Variants in SNX24 observed in about 807,000 individuals in gnomAD.
SNX24 encodes the protein sorting nexin-24.
SNX24 carries 22 observed loss-of-function variants against 28.7 expected under a neutral mutation model. The observed-to-expected ratio is 0.77, with a 90% CI of 0.55 to 1.10. The LOEUF is 1.10. Among genes scored for constraint, SNX24 ranks in the 50% least tolerant of loss-of-function variants. The probability of loss-of-function intolerance (pLI) is 0.00; values close to 1 mark genes in which losing one functional copy is unlikely to be tolerated. For missense variants in SNX24, 221 were observed against 201.1 expected (o/e 1.10, Z -0.60); for synonymous variants, 69 against 71.5 (o/e 0.96, Z 0.18).
At chr5:122,948,494 T>C (rs747754287) in intron 3 of SNX24, 1 of 152,238 alleles carries the variant, frequency 6.6e-6, no homozygotes, top group Non-Finnish European at 1.5e-5. Context: ...ACAAGGAACT[T>C]AGACATTACA....
intron 1 of SNX24, among the ~76,000 whole-genome samples, chr5:122,910,847 T>A (rs529025725): frequency 3.3e-5 from 5 of 152,186 alleles, no homozygotes; most frequent in Admixed American, 6.5e-5. Context: ...ATGTGCCACA[T>A]TTTCTTAATC....
intron 1 of SNX24, among the ~76,000 whole-genome samples, chr5:122,915,065 T>C (rs1347639831): frequency 6.6e-6 from 1 of 152,208 alleles, no homozygotes; most frequent in Non-Finnish European, 1.5e-5. Context: ...AGGGTTTTTT[T>C]AGACTTTGGA....
At chr5:122,849,024 A>G (rs899701311) in intron 1 of SNX24, among the ~76,000 whole-genome samples, 2 of 152,168 alleles carry the variant, frequency 1.3e-5, no homozygotes, top group East Asian at 3.9e-4. Context: ...CCACGGTAGG[A>G]TGTGCCGTAA....
At position 122,939,064 on chromosome 5, in the gene SNX24, G is replaced by T. The variant is rs189810401; in HGVS notation, c.144+2247G>T. On this transcript the variant is annotated intron_variant, in intron 2 of 6. Coordinates refer to ENST00000261369, the MANE Select transcript of SNX24 (RefSeq NM_014035.4). The stretch of plus-strand genomic sequence containing the variant: ...TTGTGTGCTAAGAAGGGTTGAAATG[G>T]GTCAAAAATTTAATCAGAGTACTCA... 3.3e-3 allele frequency among the ~76,000 whole-genome samples: 509 copies of T among 152,170 alleles called. 4 individuals carry two copies. The highest frequency in any genetic ancestry group is 0.012 in the African/African-American group (485 of 41,528).
intron 1 of SNX24, among the ~76,000 whole-genome samples, chr5:122,883,258 C>A (rs940574117): frequency 6.6e-6 from 1 of 152,174 alleles, no homozygotes; most frequent in Non-Finnish European, 1.5e-5. Flanking sequence ...GGTTGAGAAT[C>A]ACTCCACATC....
chr5:122,869,723 T>A (rs1378594732), intron 1 of SNX24, among the ~76,000 whole-genome samples: 1 of 152,230 alleles, frequency 6.6e-6, no homozygotes, highest in Non-Finnish European at 1.5e-5. Context: ...TCATAATTTG[T>A]ATGGAAATCA....
At chr5:122,871,549 C>T (rs1303752233) in intron 1 of SNX24, among the ~76,000 whole-genome samples, 1 of 152,204 alleles carries the variant, frequency 6.6e-6, no homozygotes, top group Non-Finnish European at 1.5e-5. Flanking sequence ...GGGTGGATCA[C>T]TTGAGGTCAG....
intron 3 of SNX24, among the ~76,000 whole-genome samples, chr5:122,960,507 C>A (rs943588673): frequency 1.3e-5 from 2 of 152,148 alleles, no homozygotes; most frequent in African/African-American, 2.4e-5. Flanking sequence ...CCTAAAATTT[C>A]TATTTTATGG....
rs529623396 is a variant in SNX24, at chr5:123,017,217, G to T, written n.384-12021G>T. Among the ~76,000 whole-genome samples, 14 of 152,178 alleles carry T rather than the reference G, an allele frequency of 9.2e-5. No individual in the cohort carries two copies. The South Asian group carries it at 2.7e-3, about 29-fold the overall frequency. On this transcript the variant is annotated intron_variant and non_coding_transcript_variant, in intron 5 of 5. Transcript: ENST00000502387. The stretch of plus-strand genomic sequence containing the variant: ...TAAATCACCCAACAAATGGGGATTC[G>T]AATTTAATGGTTTGCAGAGTGGATG...
At chr5:122,849,092 C>T (rs1754782215) in intron 1 of SNX24, among the ~76,000 whole-genome samples, 1 of 152,134 alleles carries the variant, frequency 6.6e-6, no homozygotes, top group African/African-American at 2.4e-5. Context: ...TTTTTTATGC[C>T]CACTACTAGG....
At chr5:122,984,464 T>C (rs1761513447) in intron 3 of SNX24, among the ~76,000 whole-genome samples, 1 of 152,212 alleles carries the variant, frequency 6.6e-6, no homozygotes, top group African/African-American at 2.4e-5. Context: ...GAACGTCTTG[T>C]ACTCTCCTGC....
At chr5:122,905,491 C>G (rs1336928203) in intron 1 of SNX24, among the ~76,000 whole-genome samples, 1 of 152,106 alleles carries the variant, frequency 6.6e-6, no homozygotes, top group African/African-American at 2.4e-5. Flanking sequence ...ATCCCAAATT[C>G]AAAACTTTTT....
At chr5:122,925,852 G>T (rs979484590) in intron 1 of SNX24, among the ~76,000 whole-genome samples, 1 of 152,144 alleles carries the variant, frequency 6.6e-6, no homozygotes, top group Non-Finnish European at 1.5e-5. Flanking sequence ...CTGCTGTGTT[G>T]CAAGGTAATG....
At chr5:122,925,859 A>G (rs1184972644) in intron 1 of SNX24, among the ~76,000 whole-genome samples, 2 of 152,176 alleles carry the variant, frequency 1.3e-5, no homozygotes, top group African/African-American at 4.8e-5. Context: ...GTTGCAAGGT[A>G]ATGTTTAAGG....
In SNX24 at chr5:122,953,701, C is replaced by G. The variant is rs138908649; in HGVS notation, c.249+7542C>G. 3.8e-3 allele frequency among the ~76,000 whole-genome samples: 574 copies of G among 152,246 alleles called. 5 individuals are homozygous for G. The highest frequency in any genetic ancestry group is 0.013 in the African/African-American group (549 of 41,542). On this transcript the variant is annotated intron_variant, in intron 3 of 6. Coordinates refer to ENST00000261369, the MANE Select transcript of SNX24 (RefSeq NM_014035.4). ...GGAGTTGTGCATACGTTACTTGTTC[C>G]ATTTATTACAATAACGTGGAATTTA...
chr5:122,910,415 C>A (rs930400119), intron 1 of SNX24, among the ~76,000 whole-genome samples: 2 of 152,154 alleles, frequency 1.3e-5, no homozygotes, highest in Non-Finnish European at 2.9e-5. Context: ...AAGGTCATCC[C>A]TACTGCTCCT....
At chr5:122,880,941 A>G (rs1756452367) in intron 1 of SNX24, among the ~76,000 whole-genome samples, 1 of 152,198 alleles carries the variant, frequency 6.6e-6, no homozygotes, top group South Asian at 2.1e-4. Flanking sequence ...ACACAATATC[A>G]TTTGGTTGCA....
intron 6 of SNX24, among the ~76,000 whole-genome samples, chr5:123,002,599 T>C (rs1762284545): frequency 6.6e-6 from 1 of 152,198 alleles, no homozygotes; most frequent in African/African-American, 2.4e-5. Context: ...GCCACTGCAC[T>C]CCAGCCTGGG....
chr5:122,979,915 T>C (rs1761325316), intron 3 of SNX24, among the ~76,000 whole-genome samples: 1 of 152,260 alleles, frequency 6.6e-6, no homozygotes, highest in African/African-American at 2.4e-5. Flanking sequence ...TTAAAATGAC[T>C]TTCCTTAATA....
Sources: gnomAD v4.1 joint callset for allele counts (sites outside exome capture counted in the v4.1 genomes callset) on GRCh38, gnomAD v4.1.1 for gene constraint, MANE v1.5 for transcripts, NCBI Gene and HGNC (gene_info 2026-07-23, HGNC 2026-07-21) for gene names.